Variants in TMPRSS6 observed in about 807,000 individuals in gnomAD.
The protein encoded by TMPRSS6 is transmembrane serine protease 6, also known as transmembrane protease serine 6.
A neutral mutation model predicts 101.5 loss-of-function variants in TMPRSS6; 67 were observed. The ratio of observed to expected loss-of-function variants is 0.66; its 90% confidence interval spans 0.54 to 0.81. The LOEUF (loss-of-function observed/expected upper bound fraction) is 0.81. TMPRSS6 is among the 30% of genes least tolerant of loss of function. The pLI is 0.00. For missense variants in TMPRSS6, 1,034 were observed against 1,088.7 expected, an observed-to-expected ratio of 0.95 and a Z score of 0.71; for synonymous variants, 453 against 464.9, an observed-to-expected ratio of 0.97 and a Z score of 0.33.
Position 37,068,605 on chromosome 22 carries a change from G to A in TMPRSS6, c.2113+468C>T, listed in dbSNP as rs766206305. On this transcript the variant is annotated intron_variant, in intron 16 of 17. Coordinates refer to ENST00000676104, the MANE Select transcript of TMPRSS6 (RefSeq NM_001374504.1). ...ATCTTTGCTCCAGTCCTCTCTGGCT[G>A]TGTGACTTACAGCAACATGTCTCTG... 1.0e-5 allele frequency: 8 copies of A among 779,684 alleles called. 1 individual carries two copies. The highest frequency in any genetic ancestry group is 6.7e-5 in the South Asian group (5 of 74,624). 48.3% of individuals were successfully genotyped at this position (779,684 alleles called of 1,614,324 possible).
At chr22:37,098,608 T>G in intron 2 of TMPRSS6, 59 bp from the exon 3 acceptor site, 1 of 1,613,080 alleles carries the variant, frequency 6.2e-7, no homozygotes, top group Admixed American at 1.7e-5. Flanking sequence ...GTCTCCTGTC[T>G]CTTCCATGCC....
chr22:37,068,951 C>T lies in TMPRSS6; in HGVS notation c.2113+122G>A, dbSNP rs958978716. 6.9e-6 allele frequency: 10 copies of T among 1,452,560 alleles called. No individual in the cohort carries two copies. The Admixed American group carries it at 2.2e-4, about 31-fold the overall frequency. The allele number at this position is 1,452,560 out of a possible 1,614,324, so 90.0% of individuals were successfully genotyped here. A position where few individuals can be genotyped will look rare whatever the true frequency, so the allele number is the denominator to read the frequency against. On this transcript the variant is annotated intron_variant, in intron 16 of 17. Transcript: ENST00000676104. Reference sequence around the variant, plus strand: ...AAATTCAGCCCAATTTGAATCCCAGCACTAGAGGGCCTATGGGGTGGAGCC... The same window carrying T: ...AAATTCAGCCCAATTTGAATCCCAGTACTAGAGGGCCTATGGGGTGGAGCC...
rs750425470 is a variant in TMPRSS6, at chr22:37,098,450, G to T, written c.302C>A (p.Ala101Asp). 1 of 1,613,988 alleles carries T rather than the reference G, an allele frequency of 6.2e-7. No individual in the cohort carries two copies. The highest frequency in any genetic ancestry group is 1.1e-5 in the South Asian group (1 of 91,062). Residue 101 changes from alanine to aspartate, a missense_variant, in exon 3 of 18, where the codon GCC (alanine) becomes GAC (aspartate). By Grantham distance (126) the Ala-to-Asp change is moderately radical. Transcript: ENST00000676104. The part of the protein sequence containing the change: ...SQDLTRRESS[A>D]FRSETAKAQK... ...GGCTTTGGCGGTTTCACTGCGGAAG[G>T]CACTAGATTCCCGGCGGGTAAGATC...
At chr22:37,093,841 G>A (rs965623187) in intron 6 of TMPRSS6, among the ~76,000 whole-genome samples, 1 of 151,674 alleles carries the variant, frequency 6.6e-6, no homozygotes, top group Admixed American at 6.6e-5. Flanking sequence ...TGGCCAACAC[G>A]GCAAAACCTC....
chr22:37,107,994 C>T (rs1930819546), intron 1 of TMPRSS6, among the ~76,000 whole-genome samples: 1 of 152,194 alleles, frequency 6.6e-6, no homozygotes, highest in African/African-American at 2.4e-5. Flanking sequence ...GACAAGGTCC[C>T]AGCTCCTTCC....
chr22:37,083,986 G>A, intron 10 of TMPRSS6: 1 of 549,626 alleles, frequency 1.8e-6, no homozygotes, highest in Non-Finnish European at 3.2e-6. Flanking sequence ...GGGTGCCAGA[G>A]GGGGTTACAG....
upstream of TMPRSS6, among the ~76,000 whole-genome samples, chr22:37,109,853 G>T (rs1430421355): frequency 6.6e-6 from 1 of 152,192 alleles, no homozygotes; most frequent in African/African-American, 2.4e-5. Context: ...GTTGCCTGGT[G>T]ACATGCCTGC....
intron 13 of TMPRSS6, 135 bp downstream of exon 13, chr22:37,073,397 T>C: frequency 1.6e-6 from 1 of 628,064 alleles, no homozygotes; most frequent in African/African-American, 1.8e-5. Flanking sequence ...GATGGATGAA[T>C]GGACAGACAT....
intron 4 of TMPRSS6, 115 bp from the exon 5 acceptor site, chr22:37,096,205 T>A: frequency 8.2e-7 from 1 of 1,221,036 alleles, no homozygotes; most frequent in Non-Finnish European, 1.2e-6. Flanking sequence ...CTGTCCGTCT[T>A]CACGCAGAAG....
At chr22:37,108,094 C>T (rs1422658656) in intron 1 of TMPRSS6, among the ~76,000 whole-genome samples, 1 of 152,204 alleles carries the variant, frequency 6.6e-6, no homozygotes, top group African/African-American at 2.4e-5. Context: ...TTCCCCGTCG[C>T]ACCCCAAGGA....
chr22:37,075,111 G>A, intron 11 of TMPRSS6, 24 bp downstream of exon 11: 1 of 1,613,722 alleles, frequency 6.2e-7, no homozygotes, highest in Non-Finnish European at 8.5e-7. Context: ...ACTGCAGGGG[G>A]TTCCCCCGGC....
intron 1 of TMPRSS6, among the ~76,000 whole-genome samples, chr22:37,108,683 A>G (rs537789474): frequency 6.6e-6 from 1 of 152,202 alleles, no homozygotes; most frequent in Non-Finnish European, 1.5e-5. Flanking sequence ...TGCAAACTCC[A>G]CTGCAGCCTC....
chr22:37,071,056 G>A (rs943871567), intron 13 of TMPRSS6, 24 bp from the exon 14 acceptor site: 23 of 1,606,216 alleles, frequency 1.4e-5, no homozygotes, highest in Non-Finnish European at 4.3e-6. Flanking sequence ...GATGGGGGCA[G>A]GGCACAGAAG....
intron 2 of TMPRSS6, among the ~76,000 whole-genome samples, chr22:37,102,809 T>C (rs529934387): frequency 1.4e-4 from 21 of 152,068 alleles, no homozygotes; most frequent in South Asian, 4.1e-4. Context: ...CCAGGTACCA[T>C]TGGTGCCTCT....
chr22:37,073,446 G>A, intron 13 of TMPRSS6, 86 bp downstream of exon 13: 1 of 829,004 alleles, frequency 1.2e-6, no homozygotes, highest in Non-Finnish European at 2.1e-6. Context: ...GTGTTGAGAG[G>A]AGAAGCTAGA....
chr22:37,095,776 T>A, intron 5 of TMPRSS6, 130 bp downstream of exon 5: 3 of 1,310,304 alleles, frequency 2.3e-6, no homozygotes, highest in Non-Finnish European at 3.2e-6. Context: ...CTACCTCACC[T>A]GGGGGGCTCT....
At chr22:37,100,243 G>A (rs4560232) in intron 2 of TMPRSS6, among the ~76,000 whole-genome samples, 57,335 of 152,174 alleles carry the variant, frequency 0.38, 11,064 homozygotes, top group African/African-American at 0.43. Context: ...CTGGGATTAC[G>A]GGCGTGAGCC....
Position 37,103,260 on chromosome 22 carries a change from A to T in TMPRSS6, c.158T>A (p.Leu53Gln), listed in dbSNP as rs1569028100. The change falls in exon 2 of 18, where the codon CTG becomes CAG. Residue 53 changes from leucine to glutamine, a missense_variant. Leu to Gln is a moderately radical substitution (Grantham distance 113). Transcript: ENST00000676104. The surrounding 1 kb of genome is among the most constrained non-coding windows in gnomAD (Gnocchi z 4.4). ...CACCCCCGCCGAAGCCAGCACGAGCAGGGCCAGCAGCACAAACAGGGGCAC... is the reference window on the plus strand; with the variant it reads ...CACCCCCGCCGAAGCCAGCACGAGCTGGGCCAGCAGCACAAACAGGGGCAC... Reference protein sequence around the residue: ...RLVPLFVLLALLVLASAGVLL... With the variant: ...RLVPLFVLLAQLVLASAGVLL... 3.7e-6 allele frequency: 6 copies of T among 1,614,094 alleles called. No homozygotes were observed. Among genetic ancestry groups the T allele is most frequent in the Non-Finnish European group, 5.1e-6 (6 of 1,179,948 alleles).
intron 7 of TMPRSS6, among the ~76,000 whole-genome samples, chr22:37,088,198 C>G (rs1197269527): frequency 6.6e-6 from 1 of 152,152 alleles, no homozygotes; most frequent in Non-Finnish European, 1.5e-5. Context: ...GGCTTCTCTG[C>G]ACTTCCCAGA....
Sources: gnomAD v4.1 joint callset for allele counts (sites outside exome capture counted in the v4.1 genomes callset) on GRCh38, gnomAD v4.1.1 for gene constraint, Gnocchi (gnomAD v3.1) non-coding constraint, MANE v1.5 for transcripts, NCBI Gene and HGNC (gene_info 2026-07-23, HGNC 2026-07-21) for gene names.